The following PTBP3 variants were observed in gnomAD, a reference collection of about 807,000 sequenced individuals.
PTBP3 encodes the protein polypyrimidine tract binding protein 3.
A neutral mutation model predicts 58.7 loss-of-function variants in PTBP3; 20 were observed. The observed-to-expected ratio is 0.34, with a 90% CI of 0.24 to 0.50. The LOEUF (loss-of-function observed/expected upper bound fraction) is 0.50, where lower values mean the gene tolerates loss of function less well. Among genes scored for constraint, PTBP3 ranks in the 20% least tolerant of loss-of-function variants. PTBP3 has a pLI of 0.98. For synonymous variants in PTBP3, 185 were observed against 219.8 expected, an observed-to-expected ratio of 0.84 and a Z score of 1.40; for missense variants, 509 against 637.2, an observed-to-expected ratio of 0.80 and a Z score of 2.17.
intron 3 of PTBP3, among the ~76,000 whole-genome samples, chr9:112,269,968 A>T (rs1827301891): frequency 6.8e-6 from 1 of 147,830 alleles, no homozygotes; most frequent in Non-Finnish European, 1.5e-5. Context: ...TTTTTGAGAC[A>T]CAGTCTCACT....
In PTBP3 at chr9:112,275,902, G is replaced by A. The variant is rs1457449796; in HGVS notation, c.146C>T (p.Ser49Leu). The A allele has an allele frequency of 6.2e-7, 1 of 1,613,812 alleles. No individual in the cohort carries two copies. Among genetic ancestry groups the A allele is most frequent in the African/African-American group, 1.3e-5 (1 of 74,898 alleles). ...TACTTTGCCAAATGGTAGACCTAAT[G>A]ATATGATCTCTGCTTCGGTGACATC... ...PCDVTEAEIISLGLPFGKVTN... is the reference protein window; with the variant it reads ...PCDVTEAEIILLGLPFGKVTN... The change falls in exon 3 of 14, where the codon TCA becomes TTA. Residue 49 changes from serine to leucine, a missense_variant. Transcript: ENST00000374257.
At chr9:112,362,430 T>C in the PTBP3 span, among the ~76,000 whole-genome samples, 6 of 152,226 alleles carry the variant, frequency 3.9e-5, no homozygotes, top group Non-Finnish European at 8.8e-5. Flanking sequence ...ATATGATTTA[T>C]AAGTATTTTT....
In PTBP3 at chr9:112,218,763, T is replaced by C. The variant is rs1290413966; in HGVS notation, c.*5088A>G. 2 of 152,672 alleles carry C rather than the reference T, an allele frequency of 1.3e-5. No individual in the cohort carries two copies. The highest frequency in any genetic ancestry group is 2.9e-5 in the Non-Finnish European group (2 of 68,040). 9.5% of individuals were successfully genotyped at this position (152,672 alleles called of 1,614,324 possible). ...AATATACAAGACAATTGATGTTTTA[T>C]ATAAAACCACTTTATAAGTTCATTT... is the stretch of plus-strand genomic sequence containing the variant. On this transcript the variant is annotated 3_prime_UTR_variant, in exon 14 of 14. Coordinates refer to ENST00000374257, the MANE Select transcript of PTBP3 (RefSeq NM_001163788.4).
the PTBP3 span, among the ~76,000 whole-genome samples, chr9:112,345,065 G>T: frequency 8.4e-4 from 128 of 152,072 alleles, 1 homozygote; most frequent in African/African-American, 3.0e-3. Flanking sequence ...CTGGGAAGGC[G>T]GAGGTTGCGG....
intron 1 of PTBP3, among the ~76,000 whole-genome samples, chr9:112,302,853 G>A (rs1235049656): frequency 6.6e-6 from 1 of 152,120 alleles, no homozygotes; most frequent in Non-Finnish European, 1.5e-5. Flanking sequence ...GCCTCCTAAA[G>A]TTCTGGGATT....
rs1373774460 is a variant in PTBP3 at position 112,221,672 on chromosome 9, C to T, written c.*2179G>A. 1.0e-6 allele frequency: 1 copy of T among 985,138 alleles called. No homozygotes were observed. Among genetic ancestry groups the T allele is most frequent in the Non-Finnish European group, 1.2e-6 (1 of 829,818 alleles). The allele number at this position is 985,138 out of a possible 1,614,324, so 61.0% of individuals were successfully genotyped here. On this transcript the variant is annotated 3_prime_UTR_variant, in exon 14 of 14. Transcript: ENST00000374257. The stretch of plus-strand genomic sequence containing the variant: ...AAAAAACTAAAAACTCCCACAACTA[C>T]ATACATGAGTATATCTATCTATTCA...
intron 3 of PTBP3, among the ~76,000 whole-genome samples, chr9:112,274,260 T>TC (rs1827513118): frequency 6.6e-6 from 1 of 152,340 alleles, no homozygotes; most frequent in African/African-American, 2.4e-5. Flanking sequence ...TCAGACATCA[T>TC]CATCCAACCT....
chr9:112,300,776 A>C (rs1828889309), intron 1 of PTBP3, among the ~76,000 whole-genome samples: 1 of 151,560 alleles, frequency 6.6e-6, no homozygotes, highest in African/African-American at 2.4e-5. Flanking sequence ...AGTCACAAAG[A>C]ATACACGCTA....
intron 7 of PTBP3, among the ~76,000 whole-genome samples, chr9:112,240,094 G>A (rs1283219064): frequency 6.6e-6 from 1 of 151,614 alleles, no homozygotes; most frequent in Non-Finnish European, 1.5e-5. Flanking sequence ...ATGAAGTAGG[G>A]GAGCACAAAA....
chr9:112,262,366 T>C (rs1836632130), intron 5 of PTBP3, 69 bp downstream of exon 5: 2 of 1,299,700 alleles, frequency 1.5e-6, no homozygotes, highest in East Asian at 2.7e-5. Context: ...ACAACTTAGA[T>C]ATAAAACATC....
intron 2 of PTBP3, among the ~76,000 whole-genome samples, chr9:112,288,527 G>C (rs1419313394): frequency 6.6e-6 from 1 of 151,954 alleles, no homozygotes; most frequent in Non-Finnish European, 1.5e-5. Context: ...AACCCCCACA[G>C]TCTAGAAAGA....
chr9:112,235,991 G>A (rs1266773069), intron 7 of PTBP3, among the ~76,000 whole-genome samples: 1 of 152,118 alleles, frequency 6.6e-6, no homozygotes, highest in South Asian at 2.1e-4. Context: ...TAAAACAACA[G>A]TATTACAGAA....
At chr9:112,225,878 T>C (rs1212872247) in intron 12 of PTBP3, among the ~76,000 whole-genome samples, 4 of 151,972 alleles carry the variant, frequency 2.6e-5, no homozygotes, top group Non-Finnish European at 4.4e-5. Context: ...AAACCCTGTC[T>C]CTACAAAAAA....
intron 2 of PTBP3, among the ~76,000 whole-genome samples, chr9:112,294,128 CA>C: frequency 6.6e-6 from 1 of 152,138 alleles, no homozygotes; most frequent in Non-Finnish European, 1.5e-5. Context: ...AACAGAAGCA[CA>C]AAAGATGATG....
chr9:112,339,289 T>TAAA, the PTBP3 span, among the ~76,000 whole-genome samples: 1 of 21,236 alleles, frequency 4.7e-5, no homozygotes. Flanking sequence ...AGACTCTGTC[T>TAAA]CAAAAAAAAA....
chr9:112,310,800 G>A (rs182393651), intron 1 of PTBP3, among the ~76,000 whole-genome samples: 5 of 152,338 alleles, frequency 3.3e-5, no homozygotes, highest in Admixed American at 3.3e-4. Flanking sequence ...TTTAACCAAA[G>A]TCTTACAAGT....
In PTBP3 at chr9:112,219,271, G is replaced by C. The variant is rs528864605; in HGVS notation, c.*4580C>G. The stretch of plus-strand genomic sequence containing the variant: ...CTGGATATGGGATGAATTTTTAAAA[G>C]ATCTGGGAAACAACAGTAAGGGGGA... On this transcript the variant is annotated 3_prime_UTR_variant, in exon 14 of 14. Transcript: ENST00000374257. 1 of 152,446 alleles carries C rather than the reference G, an allele frequency of 6.6e-6. No homozygotes were observed. 9.4% of individuals were successfully genotyped at this position (152,446 alleles called of 1,614,324 possible).
intron 7 of PTBP3, among the ~76,000 whole-genome samples, chr9:112,245,145 C>CA (rs1191423398): frequency 3.3e-5 from 5 of 152,066 alleles, no homozygotes; most frequent in South Asian, 2.1e-4. Context: ...CCTGTCTCTA[C>CA]AAAAAATACA....
chr9:112,226,842 T>C (rs573401819), intron 12 of PTBP3, among the ~76,000 whole-genome samples: 2 of 152,336 alleles, frequency 1.3e-5, no homozygotes, highest in Admixed American at 1.3e-4. Flanking sequence ...TCTTAGCTCA[T>C]AGGCCATACA....
Sources: allele counts gnomAD v4.1 joint callset (sites outside exome capture counted in the v4.1 genomes callset), GRCh38; gene constraint gnomAD v4.1.1; transcripts MANE v1.5; gene names NCBI Gene and HGNC (gene_info 2026-07-23, HGNC 2026-07-21).